The following TASP1 variants were observed in gnomAD, a reference collection of about 807,000 sequenced individuals.
TASP1 encodes the protein threonine aspartase 1.
In TASP1, 16 loss-of-function variants were observed where a neutral mutation model predicts 56.6. That is an observed-to-expected ratio of 0.28 (90% CI 0.19 to 0.43). The LOEUF (loss-of-function observed/expected upper bound fraction) is 0.43. Ranked by LOEUF, TASP1 falls within the 20% of genes least tolerant of loss-of-function variation. The probability of loss-of-function intolerance (pLI) is 1.00; values close to 1 mark genes in which losing one functional copy is unlikely to be tolerated. For synonymous variants in TASP1, 179 were observed against 184.2 expected, an observed-to-expected ratio of 0.97 and a Z score of 0.23; for missense variants, 393 against 511.6, an observed-to-expected ratio of 0.77 and a Z score of 2.24.
chr20:13,329,469 A>G, the TASP1 span, among the ~76,000 whole-genome samples: 1 of 152,228 alleles, frequency 6.6e-6, no homozygotes, highest in Non-Finnish European at 1.5e-5. Context: ...GAACTGTGAG[A>G]AAATAGATTT....
At chr20:13,612,521 C>CAT (rs2048382677) in intron 4 of TASP1, among the ~76,000 whole-genome samples, 1 of 151,746 alleles carries the variant, frequency 6.6e-6, no homozygotes, top group African/African-American at 2.4e-5. Flanking sequence ...CACACACACA[C>CAT]ACACACATTC....
the TASP1 span, among the ~76,000 whole-genome samples, chr20:13,374,386 C>T: frequency 2.7e-5 from 4 of 148,678 alleles, no homozygotes; most frequent in Non-Finnish European, 4.4e-5. Flanking sequence ...CTTGCTCTTT[C>T]GCCCAGGCTG....
chr20:13,408,459 AG>A (rs2041997493), intron 13 of TASP1, among the ~76,000 whole-genome samples: 1 of 152,170 alleles, frequency 6.6e-6, no homozygotes, highest in African/African-American at 2.4e-5. Flanking sequence ...ATTGGTCTGT[AG>A]TTTTCCTTCC....
chr20:13,564,714 T>A (rs968601096), intron 7 of TASP1, among the ~76,000 whole-genome samples: 1 of 151,802 alleles, frequency 6.6e-6, no homozygotes, highest in Non-Finnish European at 1.5e-5. Flanking sequence ...ATCAAAACAG[T>A]ATGGAGGCTG....
chr20:13,371,571 T>C, the TASP1 span, among the ~76,000 whole-genome samples: 1 of 152,204 alleles, frequency 6.6e-6, no homozygotes, highest in Non-Finnish European at 1.5e-5. Flanking sequence ...TAGCCTGACA[T>C]ACAGTCTATT....
chr20:13,108,954 T>G, the TASP1 span, among the ~76,000 whole-genome samples: 2 of 152,192 alleles, frequency 1.3e-5, no homozygotes, highest in Non-Finnish European at 2.9e-5. Flanking sequence ...TATTTCAGTT[T>G]CATCTTCTCA....
chr20:13,364,668 C>A, the TASP1 span, among the ~76,000 whole-genome samples: 10 of 151,920 alleles, frequency 6.6e-5, no homozygotes, highest in African/African-American at 2.4e-4. Context: ...GGTATCTCCC[C>A]AACTTGGTAT....
Position 13,575,718 on chromosome 20 carries a change from TCTTA to T in TASP1, c.488+5175_488+5178del, listed in dbSNP as rs571677803. ...ATCTGTGATTAACCTACAGCAATCA[TCTTA>T]CTTAATGGTGAAAGACCAAATGCTT... On this transcript the variant is annotated intron_variant, in intron 6 of 13. Coordinates refer to ENST00000337743, the MANE Select transcript of TASP1 (RefSeq NM_017714.3). 2.7e-3 allele frequency among the ~76,000 whole-genome samples: 415 copies of T among 152,242 alleles called. 2 individuals carry two copies. Among genetic ancestry groups the T allele is most frequent in the Non-Finnish European group, 4.3e-3 (295 of 68,022 alleles).
the TASP1 span, among the ~76,000 whole-genome samples, chr20:13,363,599 A>G: frequency 6.6e-6 from 1 of 152,222 alleles, no homozygotes; most frequent in South Asian, 2.1e-4. Context: ...TCAGAAGTCT[A>G]AGTGACAACC....
At chr20:13,570,851 C>T (rs1429689391) in intron 6 of TASP1, among the ~76,000 whole-genome samples, 9 of 151,990 alleles carry the variant, frequency 5.9e-5, no homozygotes, top group Non-Finnish European at 8.8e-5. Context: ...TTTGAACTGT[C>T]CTGATGGCAT....
chr20:13,126,502 A>G, the TASP1 span: 76 of 1,456,372 alleles, frequency 5.2e-5, no homozygotes, highest in Non-Finnish European at 6.9e-5. Context: ...GTCTTTTGCT[A>G]TGAGGATAGG....
intron 10 of TASP1, among the ~76,000 whole-genome samples, chr20:13,513,047 C>T (rs1192545593): frequency 6.6e-6 from 1 of 152,150 alleles, no homozygotes; most frequent in East Asian, 1.9e-4. Flanking sequence ...ATGCCTCCAG[C>T]TTTGTTCTTT....
At chr20:13,345,916 TAAAAAAAA>T in the TASP1 span, among the ~76,000 whole-genome samples, 1,498 of 101,328 alleles carry the variant, frequency 0.015, 40 homozygotes, top group African/African-American at 0.044. Context: ...CTCAGTAGGT[TAAAAAAAA>T]AAAAAAAAAA....
the TASP1 span, among the ~76,000 whole-genome samples, chr20:13,133,740 C>T: frequency 1.3e-5 from 2 of 152,130 alleles, no homozygotes; most frequent in East Asian, 1.9e-4. Context: ...AGCCAGCAGA[C>T]GAGATATGGG....
At chr20:13,240,756 C>T in the TASP1 span, among the ~76,000 whole-genome samples, 27 of 152,042 alleles carry the variant, frequency 1.8e-4, no homozygotes, top group African/African-American at 6.5e-4. Context: ...GGATGTGGAC[C>T]AGGGTAGAGA....
intron 4 of TASP1, among the ~76,000 whole-genome samples, chr20:13,599,231 A>G (rs2047861747): frequency 6.6e-6 from 1 of 152,254 alleles, no homozygotes; most frequent in Non-Finnish European, 1.5e-5. Flanking sequence ...ATGCACACAT[A>G]CGTTTATTTC....
At chr20:13,218,838 G>A in the TASP1 span, among the ~76,000 whole-genome samples, 1 of 152,156 alleles carries the variant, frequency 6.6e-6, no homozygotes, top group Non-Finnish European at 1.5e-5. Context: ...CACCTGGAAT[G>A]GGGATCTCTC....
the TASP1 span, among the ~76,000 whole-genome samples, chr20:13,356,172 G>C: frequency 1.3e-5 from 2 of 152,192 alleles, no homozygotes; most frequent in African/African-American, 4.8e-5. Flanking sequence ...TCCATATCTT[G>C]ATTTGAGGAT....
At chr20:13,179,675 C>A in the TASP1 span, among the ~76,000 whole-genome samples, 1 of 152,188 alleles carries the variant, frequency 6.6e-6, no homozygotes, top group Admixed American at 6.5e-5. Context: ...CTGACCCATG[C>A]AGAGTGAACC....
Sources: gnomAD v4.1 joint callset for allele counts (sites outside exome capture counted in the v4.1 genomes callset) on GRCh38, gnomAD v4.1.1 for gene constraint, MANE v1.5 for transcripts, NCBI Gene and HGNC (gene_info 2026-07-23, HGNC 2026-07-21) for gene names.